The following PTPRK variants were observed in gnomAD, a reference collection of about 807,000 sequenced individuals.
PTPRK encodes protein tyrosine phosphatase receptor type K.
In PTPRK, 75 loss-of-function variants were observed where a neutral mutation model predicts 178.0. That is an observed-to-expected ratio of 0.42 (90% CI 0.35 to 0.51). The LOEUF is 0.51. PTPRK is among the 20% of genes least tolerant of loss of function. PTPRK has a pLI of 0.02. For missense variants in PTPRK, 1,441 were observed against 1,797.8 expected, an observed-to-expected ratio of 0.80 and a Z score of 3.59; for synonymous variants, 637 against 620.6, an observed-to-expected ratio of 1.03 and a Z score of -0.39.
At chr6:128,140,908 T>C (rs1795679860) in intron 7 of PTPRK, among the ~76,000 whole-genome samples, 1 of 152,010 alleles carries the variant, frequency 6.6e-6, no homozygotes, top group Non-Finnish European at 1.5e-5. Flanking sequence ...AGTATTTTGC[T>C]TTTACACAAA....
intron 1 of PTPRK, among the ~76,000 whole-genome samples, chr6:128,418,807 G>A (rs1391625794): frequency 6.6e-6 from 1 of 152,156 alleles, no homozygotes; most frequent in Non-Finnish European, 1.5e-5. Flanking sequence ...GTTGCTTAGG[G>A]TGTCTCTGAC....
At chr6:128,178,209 AT>A (rs1157170112) in intron 7 of PTPRK, among the ~76,000 whole-genome samples, 2 of 151,790 alleles carry the variant, frequency 1.3e-5, no homozygotes, top group African/African-American at 4.8e-5. Flanking sequence ...AGTATGTTAT[AT>A]TTTTATTGTA....
chr6:128,483,118 T>A (rs1423027040), intron 1 of PTPRK, among the ~76,000 whole-genome samples: 1 of 152,190 alleles, frequency 6.6e-6, no homozygotes, highest in East Asian at 1.9e-4. Context: ...AATTTATCTA[T>A]TTATTTTCAA....
chr6:128,182,868 C>T (rs1357774378), intron 7 of PTPRK, among the ~76,000 whole-genome samples: 2 of 152,092 alleles, frequency 1.3e-5, no homozygotes, highest in East Asian at 1.9e-4. Context: ...ATTAACAATA[C>T]ACTGTGTGGT....
intron 3 of PTPRK, among the ~76,000 whole-genome samples, chr6:128,243,673 G>A (rs566474422): frequency 4.6e-5 from 7 of 151,682 alleles, no homozygotes; most frequent in South Asian, 2.1e-4. Flanking sequence ...CAGCCTGAGC[G>A]ACAGAGCAAG....
intron 1 of PTPRK, among the ~76,000 whole-genome samples, chr6:128,404,871 G>C (rs1841471883): frequency 6.6e-6 from 1 of 152,176 alleles, no homozygotes; most frequent in African/African-American, 2.4e-5. Flanking sequence ...TAGGCACTAT[G>C]GGTTCTTTAC....
At chr6:128,426,651 C>T (rs57438536) in intron 1 of PTPRK, among the ~76,000 whole-genome samples, 1 of 152,112 alleles carries the variant, frequency 6.6e-6, no homozygotes, top group Admixed American at 6.5e-5. Context: ...CAAAGAAAAA[C>T]TTTGTAGTTC....
In PTPRK at chr6:128,299,532, C is replaced by T. The variant is rs926451376; in HGVS notation, c.495+22507G>A. ...CTGGTACCAAAACAGAGATATAGATCAATGGAACAGAACAGAGCCCTCAGA... is the reference window on the plus strand; with the variant it reads ...CTGGTACCAAAACAGAGATATAGATTAATGGAACAGAACAGAGCCCTCAGA... On this transcript the variant is annotated intron_variant, in intron 3 of 29. Transcript: ENST00000368226. Among the ~76,000 whole-genome samples, 19 of 151,118 alleles carry T rather than the reference C, an allele frequency of 1.3e-4. 1 individual carries two copies. The highest frequency in any genetic ancestry group is 4.6e-4 in the African/African-American group (19 of 41,230).
intron 29 of PTPRK, 80 bp from the exon 30 acceptor site, chr6:127,970,360 G>T: frequency 8.8e-7 from 1 of 1,137,458 alleles, no homozygotes; most frequent in South Asian, 1.4e-5. Context: ...AATGAAACTT[G>T]ACAACCAATT....
intron 13 of PTPRK, among the ~76,000 whole-genome samples, chr6:128,061,830 T>C (rs760176102): frequency 5.9e-5 from 9 of 152,212 alleles, no homozygotes; most frequent in Non-Finnish European, 1.2e-4. Flanking sequence ...GGCCATGCAA[T>C]TTTTAATGTA....
intron 13 of PTPRK, among the ~76,000 whole-genome samples, chr6:128,044,269 AATCT>A (rs1582690426): frequency 6.6e-6 from 1 of 152,062 alleles, no homozygotes; most frequent in Non-Finnish European, 1.5e-5. Context: ...CATTACATTT[AATCT>A]ATCAACAAGT....
At chr6:128,190,922 T>C (rs915273564) in intron 6 of PTPRK, among the ~76,000 whole-genome samples, 3 of 152,170 alleles carry the variant, frequency 2.0e-5, no homozygotes, top group Non-Finnish European at 4.4e-5. Flanking sequence ...CCAGTACCTA[T>C]GTAGGTATCA....
intron 1 of PTPRK, among the ~76,000 whole-genome samples, chr6:128,422,028 T>C (rs896663346): frequency 6.6e-6 from 1 of 152,238 alleles, no homozygotes; most frequent in African/African-American, 2.4e-5. Context: ...AGAGCTGCTT[T>C]GTATTTCTTC....
intron 3 of PTPRK, among the ~76,000 whole-genome samples, chr6:128,308,567 G>A (rs1171291920): frequency 1.3e-5 from 2 of 152,016 alleles, no homozygotes; most frequent in East Asian, 3.9e-4. Context: ...GAAGGAAGGA[G>A]AGTCCAATAA....
chr6:128,127,143 A>G (rs1793510272), intron 7 of PTPRK, among the ~76,000 whole-genome samples: 1 of 152,216 alleles, frequency 6.6e-6, no homozygotes, highest in Non-Finnish European at 1.5e-5. Flanking sequence ...TCATTGATCT[A>G]TATGTCTAGT....
intron 23 of PTPRK, 63 bp from the exon 24 acceptor site, chr6:127,983,043 G>T: frequency 6.7e-7 from 1 of 1,502,360 alleles, no homozygotes; most frequent in South Asian, 1.2e-5. Context: ...TGTCATCAAA[G>T]TTAGGAAATA....
At chr6:128,454,665 A>T (rs767198550) in intron 1 of PTPRK, among the ~76,000 whole-genome samples, 221 of 152,244 alleles carry the variant, frequency 1.5e-3, no homozygotes, top group Non-Finnish European at 2.6e-3. Flanking sequence ...AAAGAGATAT[A>T]CCTAATAAAA....
At chr6:127,990,738 A>T in intron 21 of PTPRK, 31 bp downstream of exon 21, 1 of 1,430,668 alleles carries the variant, frequency 7.0e-7, no homozygotes, top group East Asian at 2.3e-5. Flanking sequence ...TTTTGATATC[A>T]CTTTTTAAAA....
At chr6:128,268,726 CT>C (rs1249912611) in intron 3 of PTPRK, among the ~76,000 whole-genome samples, 7 of 151,998 alleles carry the variant, frequency 4.6e-5, no homozygotes, top group African/African-American at 1.7e-4. Context: ...GATCACCTAC[CT>C]TTAAATCAGT....
Sources: gnomAD v4.1 joint callset for allele counts (sites outside exome capture counted in the v4.1 genomes callset) on GRCh38, gnomAD v4.1.1 for gene constraint, MANE v1.5 for transcripts, NCBI Gene and HGNC (gene_info 2026-07-23, HGNC 2026-07-21) for gene names.